ANKMY1: variants seen among roughly 807,000 people sequenced by gnomAD.
ANKMY1 encodes ankyrin repeat and MYND domain-containing protein 1.
In ANKMY1, 98 loss-of-function variants were observed where a neutral mutation model predicts 102.0. The ratio of observed to expected loss-of-function variants is 0.96; its 90% CI spans 0.82 to 1.14. The LOEUF (loss-of-function observed/expected upper bound fraction) is 1.14. Among genes scored for constraint, ANKMY1 ranks in the 50% most tolerant of loss-of-function variants. The pLI, the probability that ANKMY1 is intolerant of heterozygous loss-of-function variation, is 0.00. For missense variants in ANKMY1, 1,330 were observed against 1,347.6 expected, an observed-to-expected ratio of 0.99 and a Z score of 0.20; for synonymous variants, 582 against 559.9, an observed-to-expected ratio of 1.04 and a Z score of -0.56.
At chr2:240,557,990 G>C, upstream of ANKMY1, 8 of 985,500 alleles carry the variant, frequency 8.1e-6, no homozygotes, top group Non-Finnish European at 9.6e-6. Flanking sequence ...TGCGCCTACG[G>C]AGAGCGTCGC....
intron 5 of ANKMY1, chr2:240,526,869 C>A: frequency 1.7e-6 from 2 of 1,156,844 alleles, no homozygotes; most frequent in Non-Finnish European, 2.2e-6. Context: ...TCTGAGTAGA[C>A]AACATGCATT....
intron 4 of ANKMY1, among the ~76,000 whole-genome samples, chr2:240,539,940 C>G (rs1327473810): frequency 6.6e-6 from 1 of 152,148 alleles, no homozygotes; most frequent in Non-Finnish European, 1.5e-5. Flanking sequence ...CACAACTGAC[C>G]AGCACTAATG....
At chr2:240,478,036 A>G (rs979815538), downstream of ANKMY1, among the ~76,000 whole-genome samples, 1 of 152,010 alleles carries the variant, frequency 6.6e-6, no homozygotes, top group Non-Finnish European at 1.5e-5. Flanking sequence ...AGACTTCCCC[A>G]TCTGGTGCAG....
intron 8 of ANKMY1, chr2:240,522,210 T>C (rs1192008217): frequency 6.6e-6 from 1 of 152,188 alleles, no homozygotes; most frequent in African/African-American, 2.4e-5. Flanking sequence ...GATTGGTGCA[T>C]TTACAATCCT....
the ANKMY1 span, among the ~76,000 whole-genome samples, chr2:240,474,316 C>T: frequency 7.1e-6 from 1 of 140,378 alleles, no homozygotes; most frequent in Admixed American, 7.5e-5. Flanking sequence ...ACTGTGTTAG[C>T]CAGGATGGTC....
intron 5 of ANKMY1, 25 bp from the exon 6 acceptor site, chr2:240,526,470 G>C: frequency 6.2e-7 from 1 of 1,613,632 alleles, no homozygotes. Context: ...AGTTTCAGTG[G>C]TCCTAGACCA....
chr2:240,520,328 G>A lies in ANKMY1; in HGVS notation c.2004+34C>T. 6.6e-7 allele frequency: 1 copy of A among 1,509,070 alleles called. No homozygotes were observed. The highest frequency in any genetic ancestry group is 8.9e-7 in the Non-Finnish European group (1 of 1,123,370). The allele number at this position is 1,509,070 out of a possible 1,614,324, so 93.5% of individuals were successfully genotyped here. ...CGGCCAGTGCCCGGGAGTCTGCTGC[G>A]CTCGTCCCGGCGCCCGCCCGCCGCG... On this transcript the variant is annotated intron_variant, in intron 9 of 17. Coordinates refer to ENST00000401804, the MANE Select transcript of ANKMY1 (RefSeq NM_001282771.3). This position sits in a 1 kb window ranked among gnomAD's most constrained non-coding sequence, Gnocchi z 4.8.
chr2:240,533,320 G>A (rs1471328848), intron 4 of ANKMY1, among the ~76,000 whole-genome samples: 1 of 152,082 alleles, frequency 6.6e-6, no homozygotes, highest in Non-Finnish European at 1.5e-5. Flanking sequence ...TGCATAATAA[G>A]ATAGCAGACG....
At chr2:240,508,759 GATGAATGA>G (rs71049505) in intron 12 of ANKMY1, among the ~76,000 whole-genome samples, 2 of 151,150 alleles carry the variant, frequency 1.3e-5, no homozygotes, top group African/African-American at 2.4e-5. Context: ...ATGATAGATG[GATGAATGA>G]ATGAATGAAT....
At chr2:240,500,622 C>T (rs1017016880) in intron 13 of ANKMY1, 57 bp from the exon 14 acceptor site, 53 of 1,493,278 alleles carry the variant, frequency 3.5e-5, no homozygotes, top group African/African-American at 1.5e-4. Context: ...CTGGGAGCAG[C>T]GGAAGCACCG....
intron 4 of ANKMY1, among the ~76,000 whole-genome samples, chr2:240,550,539 T>C: frequency 6.6e-6 from 1 of 152,194 alleles, no homozygotes; most frequent in Non-Finnish European, 1.5e-5. Flanking sequence ...AAAAAAGATC[T>C]TACTCTTGAT....
intron 5 of ANKMY1, among the ~76,000 whole-genome samples, 163 bp downstream of exon 5, chr2:240,528,874 C>G (rs2084541752): frequency 6.6e-6 from 1 of 152,176 alleles, no homozygotes; most frequent in African/African-American, 2.4e-5. Context: ...GGGGCTTTCC[C>G]TCCCTTCATT....
chr2:240,522,638 G>A (rs1015395049), intron 8 of ANKMY1: 9 of 152,294 alleles, frequency 5.9e-5, no homozygotes, highest in East Asian at 1.9e-4. Context: ...TGAAGCCCAC[G>A]GGCCCACCTC....
rs925213729 is a variant in ANKMY1 at position 240,544,656 on chromosome 2, G to A, written c.480+8258C>T. Among the ~76,000 whole-genome samples the A allele has an allele frequency of 5.3e-5, 8 of 152,328 alleles. No homozygotes were observed. In the East Asian group the frequency reaches 5.8e-4, roughly 11 times the overall value. ...GCGCAGGTCAGTGGGTGCGCGCACTGTGCGCAAGCCGAAGCCGGGCGAGGC... is the reference window on the plus strand; with the variant it reads ...GCGCAGGTCAGTGGGTGCGCGCACTATGCGCAAGCCGAAGCCGGGCGAGGC... On this transcript the variant is annotated intron_variant, in intron 4 of 17. Transcript: ENST00000401804.
chr2:240,523,451 C>T (rs1355374573), intron 8 of ANKMY1: 4 of 190,174 alleles, frequency 2.1e-5, no homozygotes, highest in Non-Finnish European at 3.3e-5. Flanking sequence ...CCCGGGGGTG[C>T]ATAGACCACA....
chr2:240,543,517 C>A (rs1257859331), intron 4 of ANKMY1, among the ~76,000 whole-genome samples: 1 of 152,110 alleles, frequency 6.6e-6, no homozygotes, highest in Admixed American at 6.6e-5. Flanking sequence ...ACAAAATTAT[C>A]TTTCTGTGAA....
chr2:240,534,665 T>C (rs1324231582), intron 4 of ANKMY1, among the ~76,000 whole-genome samples: 3 of 152,302 alleles, frequency 2.0e-5, no homozygotes, highest in Non-Finnish European at 4.4e-5. Flanking sequence ...ATTCAAAAGT[T>C]TGACTCTTCT....
intron 11 of ANKMY1, 58 bp from the exon 12 acceptor site, chr2:240,509,513 T>TGGGTG: frequency 1.7e-6 from 2 of 1,184,906 alleles, no homozygotes; most frequent in Non-Finnish European, 1.2e-6. Context: ...CAGCACCTGA[T>TGGGTG]GGTAGTCATT....
intron 4 of ANKMY1, among the ~76,000 whole-genome samples, chr2:240,539,968 A>C (rs2088221329): frequency 6.6e-6 from 1 of 152,244 alleles, no homozygotes; most frequent in African/African-American, 2.4e-5. Flanking sequence ...AGAGACCAGA[A>C]GGCTGACAAA....
Sources: gnomAD v4.1 joint callset for allele counts (sites outside exome capture counted in the v4.1 genomes callset) on GRCh38, gnomAD v4.1.1 for gene constraint, Gnocchi (gnomAD v3.1) non-coding constraint, MANE v1.5 for transcripts, NCBI Gene and HGNC (gene_info 2026-07-23, HGNC 2026-07-21) for gene names.